Variants in FZD9 observed in about 807,000 individuals in gnomAD.
FZD9 encodes the protein frizzled class receptor 9, also known as frizzled-9.
In FZD9, 29 loss-of-function variants were observed where a neutral mutation model predicts 29.9. That is an observed-to-expected ratio of 0.97 (90% confidence interval 0.72 to 1.32). FZD9 has a LOEUF of 1.32. Ranked by LOEUF, FZD9 falls within the 40% of genes most tolerant of loss-of-function variation. The pLI, the probability that FZD9 is intolerant of heterozygous loss-of-function variation, is 0.00. For missense variants in FZD9, 822 were observed against 857.8 expected (o/e 0.96, Z 0.52); for synonymous variants, 384 against 393.9 (o/e 0.97, Z 0.30).
rs782078790 is a variant in FZD9 at position 73,435,396 on chromosome 7, C to T, written c.1389C>T (p.Ile463=). ...ACACGGTGCCCGCCACCTGCGTCAT[C>T]GTTTGCTATGTCTACGAACGCCTCA... ...ILYTVPATCV[I]VCYVYERLNM... is the part of the protein sequence containing the mutation. Residue 463 remains isoleucine (I), a synonymous_variant, in exon 1 of 1, where the codon ATC becomes ATT. Coordinates refer to ENST00000344575, the MANE Select transcript of FZD9 (RefSeq NM_003508.3). The T allele has an allele frequency of 2.5e-6, 4 of 1,613,992 alleles. No homozygotes were observed. Among genetic ancestry groups the T allele is most frequent in the Non-Finnish European group, 3.4e-6 (4 of 1,179,972 alleles).
In FZD9 at chr7:73,435,012, G is replaced by T; in HGVS notation, c.1005G>T (p.Thr335=). ...MASSLWWVVL[T]LTWFLAAGKK... ...GCTCGCTCTGGTGGGTGGTCCTGAC[G>T]CTCACCTGGTTCCTGGCTGCCGGGA... The change falls in exon 1 of 1, where the codon ACG becomes ACT. Residue 335 remains threonine, a synonymous_variant. Transcript: ENST00000344575. 6.2e-7 allele frequency: 1 copy of T among 1,613,984 alleles called. No homozygotes were observed. Among genetic ancestry groups the T allele is most frequent in the Non-Finnish European group, 8.5e-7 (1 of 1,180,020 alleles).
rs782111677 is a variant in FZD9 at position 73,434,311 on chromosome 7, G to A, written c.304G>A (p.Asp102Asn). The change falls in exon 1 of 1, where the codon GAC becomes AAC. Residue 102 changes from aspartate to asparagine, a missense_variant. Transcript: ENST00000344575. ...CTCGCTCTACGCGCCCATGTGCACC[G>A]ACCAGGTCTCGACGCCCATTCCCGC... ...LCSLYAPMCT[D>N]QVSTPIPACR... The A allele has an allele frequency of 2.1e-5, 34 of 1,586,532 alleles. No individual in the cohort carries two copies. Among genetic ancestry groups the A allele is most frequent in the Non-Finnish European group, 2.4e-5 (28 of 1,173,524 alleles).
chr7:73,434,163 C>T lies in FZD9; in HGVS notation c.156C>T (p.Tyr52=). 6.4e-7 allele frequency: 1 copy of T among 1,567,850 alleles called. No homozygotes were observed. Among genetic ancestry groups the T allele is most frequent in the Middle Eastern group, 1.8e-4 (1 of 5,514 alleles). ...VEIPMCRGIG[Y]NLTRMPNLLG... ...TCCCCATGTGCCGCGGCATCGGCTA[C>T]AACCTGACCCGCATGCCCAACCTGC... The change falls in exon 1 of 1, where the codon TAC becomes TAT. Residue 52 remains tyrosine, a synonymous_variant. Coordinates refer to ENST00000344575, the MANE Select transcript of FZD9 (RefSeq NM_003508.3).
Position 73,434,249 on chromosome 7 carries a change from A to C in FZD9, c.242A>C (p.Gln81Pro). The C allele has an allele frequency of 1.9e-6, 3 of 1,588,442 alleles. No homozygotes were observed. Among genetic ancestry groups the C allele is most frequent in the Non-Finnish European group, 2.6e-6 (3 of 1,174,186 alleles). ...AELAEFAPLV[Q>P]YGCHSHLRFF... ...CTAGCGGAGTTCGCGCCGCTGGTGC[A>C]GTACGGCTGCCACAGCCACCTGCGC... Residue 81 changes from glutamine to proline, a missense_variant, in exon 1 of 1, where the codon CAG (glutamine) becomes CCG (proline). Coordinates refer to ENST00000344575, the MANE Select transcript of FZD9 (RefSeq NM_003508.3).
In FZD9 at chr7:73,433,990, C is replaced by T. The variant is rs1387740590; in HGVS notation, c.-18C>T. The T allele has an allele frequency of 1.8e-5, 21 of 1,196,258 alleles. No individual in the cohort carries two copies. In the African/African-American group the frequency reaches 2.1e-4, roughly 12 times the overall value. 74.1% of individuals were successfully genotyped at this position (1,196,258 alleles called of 1,614,324 possible). A position where few individuals can be genotyped will look rare whatever the true frequency, so the allele number is the denominator to read the frequency against. ...TGAGCCGGGGCCGCGCTCCCGCCTT[C>T]GGCCCGGGCCTCCCGGGATGGCCGT... On this transcript the variant is annotated 5_prime_UTR_variant, in exon 1 of 1. Coordinates refer to ENST00000344575, the MANE Select transcript of FZD9 (RefSeq NM_003508.3).
Position 73,434,291 on chromosome 7 carries a change from T to C in FZD9, c.284T>C (p.Leu95Pro). ...HSHLRFFLCS[L>P]YAPMCTDQVS... The stretch of plus-strand genomic sequence containing the variant: ...CACCTGCGCTTCTTCCTGTGCTCGC[T>C]CTACGCGCCCATGTGCACCGACCAG... Residue 95 changes from leucine (L) to proline (P), a missense_variant, in exon 1 of 1, where the codon CTC becomes CCC. Leu to Pro is a moderately conservative substitution (Grantham distance 98, BLOSUM62 -3). Coordinates refer to ENST00000344575, the MANE Select transcript of FZD9 (RefSeq NM_003508.3). 1.3e-6 allele frequency: 2 copies of C among 1,588,448 alleles called. No individual in the cohort carries two copies. The highest frequency in any genetic ancestry group is 1.7e-6 in the Non-Finnish European group (2 of 1,174,210).
Position 73,435,327 on chromosome 7 carries a change from G to C in FZD9, c.1320G>C (p.Lys440Asn). 6.2e-7 allele frequency: 1 copy of C among 1,613,810 alleles called. No individual in the cohort carries two copies. The highest frequency in any genetic ancestry group is 8.5e-7 in the Non-Finnish European group (1 of 1,179,886). ...IMKTGGTNTEKLEKLMVKIGV... is the reference protein window; with the variant it reads ...IMKTGGTNTENLEKLMVKIGV... ...AGACGGGCGGCACCAACACAGAGAA[G>C]CTGGAGAAGCTCATGGTCAAGATCG... The change falls in exon 1 of 1, where the codon AAG (lysine) becomes AAC (asparagine). Residue 440 changes from lysine (K) to asparagine (N), a missense_variant. Transcript: ENST00000344575.
In FZD9 at chr7:73,435,697, GGCAC is replaced by G; in HGVS notation, c.1695_1698del (p.His566AlafsTer12). The G allele has an allele frequency of 6.2e-7, 1 of 1,613,020 alleles. No homozygotes were observed. The highest frequency in any genetic ancestry group is 8.5e-7 in the Non-Finnish European group (1 of 1,179,732). The stretch of plus-strand genomic sequence containing the variant: ...CCGCGCCCCCGGGAGCTACGGACGT[GGCAC>G]GCACTGCCACTATAAGGCTCCCACC... On this transcript the variant is annotated frameshift_variant, in exon 1 of 1. Coordinates refer to ENST00000344575, the MANE Select transcript of FZD9 (RefSeq NM_003508.3). LOFTEE classifies it high-confidence loss of function.
rs1322973363 is a variant in FZD9 at position 73,434,862 on chromosome 7, G to A, written c.855G>A (p.Ala285=). 5.6e-6 allele frequency: 9 copies of A among 1,613,358 alleles called. No individual in the cohort carries two copies. Among genetic ancestry groups the A allele is most frequent in the African/African-American group, 1.3e-5 (1 of 74,922 alleles). Residue 285 remains alanine (A), a synonymous_variant, in exon 1 of 1, where the codon GCG becomes GCA. Coordinates refer to ENST00000344575, the MANE Select transcript of FZD9 (RefSeq NM_003508.3). ...ACTCGCTGGCCTTCCTGATCCGTGC[G>A]GTGGCCGGAGCGCAGAGCGTGGCCT... ...NVYSLAFLIR[A]VAGAQSVACD...
In FZD9 at chr7:73,435,207, C is replaced by A; in HGVS notation, c.1200C>A (p.Gly400=). 1 of 1,613,438 alleles carries A rather than the reference C, an allele frequency of 6.2e-7. No homozygotes were observed. Among genetic ancestry groups the A allele is most frequent in the Non-Finnish European group, 8.5e-7 (1 of 1,180,044 alleles). ...GCACGGATGCAGCAGCGCTCACGGGCTTCGTGCTGGTGCCCCTCTCTGGCT... is the reference window on the plus strand; with the variant it reads ...GCACGGATGCAGCAGCGCTCACGGGATTCGTGCTGGTGCCCCTCTCTGGCT... ...VASTDAAALT[G]FVLVPLSGYL... The change falls in exon 1 of 1, where the codon GGC becomes GGA. Residue 400 remains glycine, a synonymous_variant. Transcript: ENST00000344575.
Position 73,433,861 on chromosome 7 carries a change from C to T in FZD9, c.-147C>T, listed in dbSNP as rs1184870260. 4.5e-5 allele frequency: 25 copies of T among 559,114 alleles called. No individual in the cohort carries two copies. The highest frequency in any genetic ancestry group is 5.5e-5 in the Non-Finnish European group (24 of 432,584). The allele number at this position is 559,114 out of a possible 1,614,324, so 34.6% of individuals were successfully genotyped here. On this transcript the variant is annotated 5_prime_UTR_variant, in exon 1 of 1. Coordinates refer to ENST00000344575, the MANE Select transcript of FZD9 (RefSeq NM_003508.3). ...GGCTCCTGTCCCTCGGGCGGCTGCC[C>T]GCTCGCTGCCCAGGGCGCCCGGACA...
rs782779078 is a variant in FZD9, at chr7:73,435,543, C to T, written c.1536C>T (p.Leu512=). 2 of 1,613,374 alleles carry T rather than the reference C, an allele frequency of 1.2e-6. No individual in the cohort carries two copies. Among genetic ancestry groups the T allele is most frequent in the East Asian group, 4.5e-5 (2 of 44,876 alleles). Residue 512 remains leucine, a synonymous_variant, in exon 1 of 1, where the codon CTC becomes CTT. Coordinates refer to ENST00000344575, the MANE Select transcript of FZD9 (RefSeq NM_003508.3). ...TGCCCACCGTGGCGGTCTTCATGCTCAAAATTTTCATGTCACTGGTGGTGG... is the reference window on the plus strand; with the variant it reads ...TGCCCACCGTGGCGGTCTTCATGCTTAAAATTTTCATGTCACTGGTGGTGG... ...GSVPTVAVFM[L]KIFMSLVVGI...
chr7:73,434,402 G>T lies in FZD9; in HGVS notation c.395G>T (p.Gly132Val), dbSNP rs782418729. 1 of 1,574,666 alleles carries T rather than the reference G, an allele frequency of 6.4e-7. No individual in the cohort carries two copies. Among genetic ancestry groups the T allele is most frequent in the South Asian group, 1.2e-5 (1 of 86,814 alleles). The change falls in exon 1 of 1, where the codon GGC becomes GTC. Residue 132 changes from glycine (G) to valine (V), a missense_variant. Physicochemically the swap from Gly to Val is moderately radical, Grantham distance 109. Transcript: ENST00000344575. ...CCCATCATGGAGCAGTTCAACTTCG[G>T]CTGGCCGGACTCGCTCGACTGCGCC... ...CAPIMEQFNF[G>V]WPDSLDCARL...
Position 73,434,695 on chromosome 7 carries a change from T to A in FZD9, c.688T>A (p.Phe230Ile). ...EVFWSRRDKD[F>I]ALVWMAVWSA... Reference sequence around the variant, plus strand: ...GTTCTGGTCCCGGCGCGACAAGGACTTCGCGCTGGTCTGGATGGCCGTGTG... The same window carrying A: ...GTTCTGGTCCCGGCGCGACAAGGACATCGCGCTGGTCTGGATGGCCGTGTG... Residue 230 changes from phenylalanine to isoleucine, a missense_variant, in exon 1 of 1, where the codon TTC becomes ATC. Physicochemically the swap from Phe to Ile is conservative, Grantham distance 21. Transcript: ENST00000344575. The A allele has an allele frequency of 6.2e-7, 1 of 1,605,460 alleles. No individual in the cohort carries two copies. Among genetic ancestry groups the A allele is most frequent in the Non-Finnish European group, 8.5e-7 (1 of 1,179,506 alleles).
chr7:73,435,265 G>C lies in FZD9; in HGVS notation c.1258G>C (p.Gly420Arg). ...LVLGSSFLLT[G>R]FVALFHIRKI... ...GCTGGGCAGTAGTTTCCTCCTGACC[G>C]GCTTCGTGGCCCTCTTCCACATCCG... The change falls in exon 1 of 1, where the codon GGC (glycine) becomes CGC (arginine). Residue 420 changes from glycine to arginine, a missense_variant. Coordinates refer to ENST00000344575, the MANE Select transcript of FZD9 (RefSeq NM_003508.3). The C allele has an allele frequency of 6.2e-7, 1 of 1,613,758 alleles. No homozygotes were observed. The highest frequency in any genetic ancestry group is 8.5e-7 in the Non-Finnish European group (1 of 1,179,932).
Position 73,434,061 on chromosome 7 carries a change from G to C in FZD9, c.54G>C (p.Ala18=), listed in dbSNP as rs1259363732. Residue 18 remains alanine (A), a synonymous_variant, in exon 1 of 1, where the codon GCG becomes GCC. Coordinates refer to ENST00000344575, the MANE Select transcript of FZD9 (RefSeq NM_003508.3). ...GALLLWQLLA[A]GGAALEIGRF... The stretch of plus-strand genomic sequence containing the variant: ...TGCTGCTGTGGCAGCTGCTGGCGGC[G>C]GGCGGCGCGGCACTGGAGATCGGCC... 1.6e-6 allele frequency: 2 copies of C among 1,270,348 alleles called. No individual in the cohort carries two copies. Among genetic ancestry groups the C allele is most frequent in the Non-Finnish European group, 2.0e-6 (2 of 1,012,058 alleles). The allele number at this position is 1,270,348 out of a possible 1,614,324, so 78.7% of individuals were successfully genotyped here. A position where few individuals can be genotyped will look rare whatever the true frequency, so the allele number is the denominator to read the frequency against.
chr7:73,434,588 G>GC lies in FZD9; in HGVS notation c.582dup (p.Thr195HisfsTer101). The GC allele has an allele frequency of 6.6e-7, 1 of 1,517,974 alleles. No individual in the cohort carries two copies. The highest frequency in any genetic ancestry group is 1.2e-5 in the South Asian group (1 of 81,830). The allele number at this position is 1,517,974 out of a possible 1,614,324, so 94.0% of individuals were successfully genotyped here. ...CTGGGCCCGGGCGCGGGCGGCAGTG[G>GC]CACCTGCGAGAACCCCGAGAAGTTC... On this transcript the variant is annotated frameshift_variant, in exon 1 of 1. Transcript: ENST00000344575. LOFTEE classifies it high-confidence loss of function.
chr7:73,434,643 A>G lies in FZD9; in HGVS notation c.636A>G (p.Ala212=). 1 of 1,597,132 alleles carries G rather than the reference A, an allele frequency of 6.3e-7. No individual in the cohort carries two copies. ...FQYVEKSRSC[A]PRCGPGVEVF... ...ACGTGGAGAAGAGCCGCTCGTGCGC[A>G]CCGCGCTGCGGGCCCGGCGTCGAGG... The change falls in exon 1 of 1, where the codon GCA becomes GCG. Residue 212 remains alanine (A), a synonymous_variant. Transcript: ENST00000344575.
rs782572116 is a variant in FZD9, at chr7:73,435,364, A to G, written c.1357A>G (p.Ile453Val). 1.2e-6 allele frequency: 2 copies of G among 1,613,858 alleles called. No homozygotes were observed. Among genetic ancestry groups the G allele is most frequent in the Admixed American group, 1.7e-5 (1 of 59,970 alleles). ...CATGGTCAAGATCGGGGTCTTCTCC[A>G]TCCTCTACACGGTGCCCGCCACCTG... ...KLMVKIGVFS[I>V]LYTVPATCVI... The change falls in exon 1 of 1, where the codon ATC (isoleucine) becomes GTC (valine). Residue 453 changes from isoleucine (I) to valine (V), a missense_variant. Transcript: ENST00000344575.
Sources: gnomAD v4.1 joint callset for allele counts on GRCh38, gnomAD v4.1.1 for gene constraint, MANE v1.5 for transcripts, NCBI Gene and HGNC (gene_info 2026-07-23, HGNC 2026-07-21) for gene names.